Variants in HDLBP observed in about 807,000 individuals in gnomAD.
HDLBP encodes vigilin.
HDLBP carries 30 observed loss-of-function variants against 137.3 expected under a neutral mutation model. That is an observed-to-expected ratio of 0.22 (90% confidence interval 0.16 to 0.30). The LOEUF is 0.30. Ranked by LOEUF, HDLBP falls within the 10% of genes least tolerant of loss-of-function variation. The probability of loss-of-function intolerance (pLI) is 1.00; values close to 1 mark genes in which losing one functional copy is unlikely to be tolerated. For synonymous variants in HDLBP, 606 were observed against 596.0 expected (o/e 1.02, Z -0.24); for missense variants, 1,119 against 1,667.3 (o/e 0.67, Z 5.73).
In HDLBP at chr2:241,315,603, C is replaced by T. The variant is rs2149759278; in HGVS notation, c.-136G>A. The stretch of plus-strand genomic sequence containing the variant: ...CTCTTATAAGCATAAGAAAACCGAG[C>T]TCATAAGGTAGGAACTGTGGCGAAA... On this transcript the variant is annotated 5_prime_UTR_variant, in exon 1 of 28. Coordinates refer to ENST00000310931, the MANE Select transcript of HDLBP (RefSeq NM_005336.6). The T allele has an allele frequency of 6.6e-6, 1 of 152,358 alleles. No individual in the cohort carries two copies. Among genetic ancestry groups the T allele is most frequent in the Admixed American group, 6.5e-5 (1 of 15,312 alleles). 9.4% of individuals were successfully genotyped at this position (152,358 alleles called of 1,614,324 possible).
intron 1 of HDLBP, among the ~76,000 whole-genome samples, chr2:241,298,809 A>C (rs1393854563): frequency 6.6e-6 from 1 of 152,220 alleles, no homozygotes; most frequent in African/African-American, 2.4e-5. Context: ...AATCAAAAGG[A>C]AACACCAAAC....
At chr2:241,289,886 TCCA>T (rs2074952291) in intron 1 of HDLBP, among the ~76,000 whole-genome samples, 8 of 151,228 alleles carry the variant, frequency 5.3e-5, no homozygotes, top group Admixed American at 5.3e-4. Context: ...AAAAGGAAAC[TCCA>T]GCTACTGCAC....
intron 1 of HDLBP, among the ~76,000 whole-genome samples, chr2:241,300,392 G>A (rs989989516): frequency 6.6e-6 from 1 of 152,170 alleles, no homozygotes; most frequent in Non-Finnish European, 1.5e-5. Flanking sequence ...GCGAGAATTA[G>A]GAATATTTAA....
At chr2:241,245,096 G>A (rs892566688) in intron 16 of HDLBP, among the ~76,000 whole-genome samples, 2 of 151,874 alleles carry the variant, frequency 1.3e-5, no homozygotes, top group African/African-American at 4.8e-5. Context: ...ATTTAACCGT[G>A]TTTGTTAAAC....
At chr2:241,300,817 A>C (rs1366883258) in intron 1 of HDLBP, among the ~76,000 whole-genome samples, 1 of 152,128 alleles carries the variant, frequency 6.6e-6, no homozygotes, top group Non-Finnish European at 1.5e-5. Flanking sequence ...GCAGACGACA[A>C]AGGGAACACA....
Position 241,238,619 on chromosome 2 carries a change from C to T in HDLBP, c.2749+30G>A. 2.7e-6 allele frequency: 4 copies of T among 1,483,240 alleles called. No homozygotes were observed. The highest frequency in any genetic ancestry group is 3.6e-6 in the Non-Finnish European group (4 of 1,106,038). 91.9% of individuals were successfully genotyped at this position (1,483,240 alleles called of 1,614,324 possible). On this transcript the variant is annotated intron_variant, in intron 20 of 27. Transcript: ENST00000310931. The surrounding 1 kb of genome is among the most constrained non-coding windows in gnomAD (Gnocchi z 4.9). ...CTCACATGGGAGGCGCCACTATTAACAAGCAGAGCAGGGCTAATGGGGGAC... is the reference window on the plus strand; with the variant it reads ...CTCACATGGGAGGCGCCACTATTAATAAGCAGAGCAGGGCTAATGGGGGAC...
intron 1 of HDLBP, among the ~76,000 whole-genome samples, chr2:241,300,778 C>T (rs910696927): frequency 1.3e-5 from 2 of 152,156 alleles, no homozygotes; most frequent in African/African-American, 2.4e-5. Flanking sequence ...CCCTGTAACA[C>T]GCAGCCAGCA....
At chr2:241,249,387 A>C (rs760869751) in intron 12 of HDLBP, 1 of 472,736 alleles carries the variant, frequency 2.1e-6, no homozygotes, top group Non-Finnish European at 4.4e-6. Context: ...GCTTGGCATA[A>C]GCATGTATGA....
At chr2:241,235,341 A>T (rs2070277857) in intron 22 of HDLBP, 86 bp from the exon 23 acceptor site, 4 of 1,567,604 alleles carry the variant, frequency 2.6e-6, no homozygotes, top group Non-Finnish European at 3.5e-6. Context: ...AAGTGGTGAG[A>T]GGGAAGGCCA....
At chr2:241,245,676 C>T (rs1313057861) in intron 16 of HDLBP, among the ~76,000 whole-genome samples, 1 of 152,092 alleles carries the variant, frequency 6.6e-6, no homozygotes, top group African/African-American at 2.4e-5. Flanking sequence ...GTAGCATGCA[C>T]CTGTGGTCCC....
At chr2:241,246,685 AG>A in intron 16 of HDLBP, 66 bp downstream of exon 16, 3 of 1,519,742 alleles carry the variant, frequency 2.0e-6, no homozygotes, top group Non-Finnish European at 2.7e-6. Context: ...ACTCAACCCC[AG>A]GCTCAATCTT....
At chr2:241,273,673 G>A in intron 1 of HDLBP, 1 of 985,242 alleles carries the variant, frequency 1.0e-6, no homozygotes, top group Non-Finnish European at 1.2e-6. Context: ...TAGGGCACAG[G>A]ATCAACTACA....
chr2:241,292,639 G>A (rs1024640896), intron 1 of HDLBP, among the ~76,000 whole-genome samples: 4 of 152,160 alleles, frequency 2.6e-5, no homozygotes, highest in African/African-American at 9.7e-5. Flanking sequence ...GTATTTAGAG[G>A]TGACTAAAAG....
At chr2:241,285,662 G>GA (rs1559544138) in intron 1 of HDLBP, among the ~76,000 whole-genome samples, 1 of 152,136 alleles carries the variant, frequency 6.6e-6, no homozygotes, top group Admixed American at 6.5e-5. Context: ...TCAAAATAAT[G>GA]AAGGAGTGAA....
intron 1 of HDLBP, among the ~76,000 whole-genome samples, chr2:241,298,516 G>A (rs915955552): frequency 1.6e-4 from 24 of 152,200 alleles, no homozygotes; most frequent in African/African-American, 5.5e-4. Flanking sequence ...GGGAAACCAT[G>A]AGCCAATATT....
chr2:241,272,340 G>GGCCCC lies in HDLBP; in HGVS notation c.-102-3804_-102-3800dup. 1 of 984,154 alleles carries GGCCCC rather than the reference G, an allele frequency of 1.0e-6. No homozygotes were observed. Among genetic ancestry groups the GGCCCC allele is most frequent in the Non-Finnish European group, 1.2e-6 (1 of 829,170 alleles). 61.0% of individuals were successfully genotyped at this position (984,154 alleles called of 1,614,324 possible). A position where few individuals can be genotyped will look rare whatever the true frequency, so the allele number is the denominator to read the frequency against. On this transcript the variant is annotated intron_variant, in intron 1 of 27. Coordinates refer to ENST00000310931, the MANE Select transcript of HDLBP (RefSeq NM_005336.6). This position sits in a 1 kb window ranked among gnomAD's most constrained non-coding sequence, Gnocchi z 5.6. ...CGCCGGAGCGGGGGAGGGGAGGGCC[G>GGCCCC]GCCCCGCCAACGTCAGCGACCTGGG...
At chr2:241,267,500 G>T in intron 2 of HDLBP, 1 of 1,388,830 alleles carries the variant, frequency 7.2e-7, no homozygotes, top group Non-Finnish European at 9.9e-7. Context: ...CCTGACCCAG[G>T]CTCCAGGCAT....
In HDLBP at chr2:241,253,429, C is replaced by G; in HGVS notation, c.1257G>C (p.Val419=). ...TLEGPTEDVN[V]AQEQIEGMVK... is the part of the protein sequence containing the mutation. Reference sequence around the variant, plus strand: ...CCATGCCTTCTATCTGTTCCTGGGCCACATTGACATCCTCTGTAGGGCCCT... The same window carrying G: ...CCATGCCTTCTATCTGTTCCTGGGCGACATTGACATCCTCTGTAGGGCCCT... Residue 419 remains valine (V), a synonymous_variant, in exon 10 of 28, where the codon GTG becomes GTC. Coordinates refer to ENST00000310931, the MANE Select transcript of HDLBP (RefSeq NM_005336.6). The G allele has an allele frequency of 2.5e-6, 4 of 1,613,346 alleles. No individual in the cohort carries two copies. Among genetic ancestry groups the G allele is most frequent in the African/African-American group, 1.3e-5 (1 of 75,018 alleles).
rs9711249 is a variant in HDLBP, at chr2:241,238,199, T to C, written c.2749+450A>G. The C allele has an allele frequency of 0.99, 152,277 of 153,234 alleles. 75,664 individuals carry two copies. Among genetic ancestry groups the C allele is most frequent in the East Asian group, 1 (5,213 of 5,214 alleles). The allele number at this position is 153,234 out of a possible 1,614,324, so 9.5% of individuals were successfully genotyped here. On this transcript the variant is annotated intron_variant, in intron 20 of 27. Coordinates refer to ENST00000310931, the MANE Select transcript of HDLBP (RefSeq NM_005336.6). The surrounding 1 kb of genome is among the most constrained non-coding windows in gnomAD (Gnocchi z 4.9). Reference sequence around the variant, plus strand: ...AAGCATGGTACGGGGAACTGAATGCTCTCCTAGAACTGCCGGCCACTTGGA... The same window carrying C: ...AAGCATGGTACGGGGAACTGAATGCCCTCCTAGAACTGCCGGCCACTTGGA...
Sources: allele counts gnomAD v4.1 joint callset (sites outside exome capture counted in the v4.1 genomes callset), GRCh38; gene constraint gnomAD v4.1.1; non-coding constraint Gnocchi (gnomAD v3.1); transcripts MANE v1.5; gene names NCBI Gene and HGNC (gene_info 2026-07-23, HGNC 2026-07-21).